The following MYO10 variants were observed in gnomAD, a reference collection of about 807,000 sequenced individuals.
MYO10 encodes myosin X.
MYO10 carries 133 observed loss-of-function variants against 257.3 expected under a neutral mutation model. The observed-to-expected ratio is 0.52, with a 90% CI of 0.45 to 0.60. The LOEUF (loss-of-function observed/expected upper bound fraction) is 0.60, where lower values mean the gene tolerates loss of function less well. Among genes scored for constraint, MYO10 ranks in the 20% least tolerant of loss-of-function variants. MYO10 has a pLI of 0.00. For missense variants in MYO10, 2,399 were observed against 2,635.7 expected (o/e 0.91, Z 1.97); for synonymous variants, 1,104 against 1,028.6 (o/e 1.07, Z -1.40).
In MYO10 at chr5:16,701,500, G is replaced by T; in HGVS notation, c.2895C>A (p.Ser965Arg). The part of the protein sequence containing the change: ...RNIERSLSVG[S>R]EFSSELAESA... ...TCTCAGCCAGCTCGCTGGAAAATTC[G>T]CTTCCCACCGACAGGGACCGCTCGA... Residue 965 changes from serine to arginine, a missense_variant, in exon 25 of 41, where the codon AGC (serine) becomes AGA (arginine). Physicochemically the swap from Ser to Arg is moderately radical, Grantham distance 110. Transcript: ENST00000513610. This position sits in a 1 kb window ranked among gnomAD's most constrained non-coding sequence, Gnocchi z 8.1. The T allele has an allele frequency of 6.2e-7, 1 of 1,613,934 alleles. No individual in the cohort carries two copies. The highest frequency in any genetic ancestry group is 8.5e-7 in the Non-Finnish European group (1 of 1,179,894).
intron 1 of MYO10, among the ~76,000 whole-genome samples, chr5:16,922,299 A>G (rs1258092042): frequency 6.6e-6 from 1 of 152,162 alleles, no homozygotes; most frequent in Non-Finnish European, 1.5e-5. Flanking sequence ...CCGAGGGGGA[A>G]AACTTCCAGA....
intron 5 of MYO10, among the ~76,000 whole-genome samples, chr5:16,782,053 G>A (rs1306649054): frequency 6.6e-6 from 1 of 152,208 alleles, no homozygotes; most frequent in Admixed American, 6.5e-5. Flanking sequence ...GCTGCCAAGG[G>A]ATGCCACACA....
chr5:16,699,598 G>A (rs371254209), intron 25 of MYO10, 25 bp from the exon 26 acceptor site: 144 of 1,612,396 alleles, frequency 8.9e-5, no homozygotes, highest in Non-Finnish European at 1.1e-4. Flanking sequence ...AGAAGCCAAC[G>A]GTGAGGGAAA....
chr5:16,668,068 T>C (rs1412233571), intron 40 of MYO10, among the ~76,000 whole-genome samples: 2 of 152,160 alleles, frequency 1.3e-5, no homozygotes, highest in Non-Finnish European at 2.9e-5. Context: ...GATTCCTCTG[T>C]TGCAAAAGTA....
chr5:16,720,762 C>G (rs1283813946), intron 19 of MYO10, among the ~76,000 whole-genome samples: 1 of 152,186 alleles, frequency 6.6e-6, no homozygotes, highest in African/African-American at 2.4e-5. Context: ...CCAGCCTCCA[C>G]ATTGTATTCT....
At chr5:16,808,082 T>A (rs866645722) in intron 3 of MYO10, among the ~76,000 whole-genome samples, 2 of 152,206 alleles carry the variant, frequency 1.3e-5, no homozygotes. Context: ...ATCCACCAAA[T>A]AAATTCATGT....
chr5:16,714,856 G>A (rs1249959393), intron 19 of MYO10, among the ~76,000 whole-genome samples: 1 of 152,116 alleles, frequency 6.6e-6, no homozygotes, highest in Non-Finnish European at 1.5e-5. Context: ...AGGGAGTGGC[G>A]ATGGTTACTG....
intron 3 of MYO10, among the ~76,000 whole-genome samples, chr5:16,816,565 G>C (rs976883627): frequency 2.1e-5 from 3 of 145,890 alleles, no homozygotes; most frequent in African/African-American, 7.6e-5. Context: ...ATGGAGTCTT[G>C]CTGTCGCCTG....
chr5:16,886,595 A>C (rs142883181), intron 1 of MYO10, among the ~76,000 whole-genome samples: 2 of 150,366 alleles, frequency 1.3e-5, no homozygotes, highest in African/African-American at 4.8e-5. Flanking sequence ...CATCATCGTC[A>C]TCATCATTTC....
intron 19 of MYO10, among the ~76,000 whole-genome samples, chr5:16,735,648 C>T (rs1016533885): frequency 2.0e-5 from 3 of 150,204 alleles, no homozygotes; most frequent in African/African-American, 7.4e-5. Context: ...AGCCGAGATC[C>T]CACCGCCACA....
chr5:16,773,751 T>C (rs1391935579), intron 9 of MYO10, among the ~76,000 whole-genome samples: 1 of 152,032 alleles, frequency 6.6e-6, no homozygotes, highest in African/African-American at 2.4e-5. Flanking sequence ...ATAAAAATTT[T>C]TGGTTAAGTT....
intron 3 of MYO10, among the ~76,000 whole-genome samples, chr5:16,810,532 C>A (rs987858732): frequency 6.6e-6 from 1 of 152,048 alleles, no homozygotes; most frequent in Admixed American, 6.6e-5. Context: ...GTGGCTCATG[C>A]CTATAAATCC....
At position 16,742,139 on chromosome 5, in the gene MYO10, T is replaced by A. The variant is rs926269873; in HGVS notation, c.1929+12689A>T. ...TGATTTTAAAAGCCAATCAATAATT[T>A]TTTTTTAAAAAAAGTCCCAGGACAA... On this transcript the variant is annotated intron_variant, in intron 19 of 40. Coordinates refer to ENST00000513610, the MANE Select transcript of MYO10 (RefSeq NM_012334.3). The A allele has an allele frequency of 1.1e-5, 11 of 984,910 alleles. No homozygotes were observed. The African/African-American group carries it at 1.8e-4, about 16-fold the overall frequency. The allele number at this position is 984,910 out of a possible 1,614,324, so 61.0% of individuals were successfully genotyped here.
At chr5:16,890,210 CT>C (rs761651492) in intron 1 of MYO10, among the ~76,000 whole-genome samples, 2 of 151,768 alleles carry the variant, frequency 1.3e-5, no homozygotes, top group Non-Finnish European at 2.9e-5. Flanking sequence ...AAAAGATAAC[CT>C]AGTCCAATCA....
chr5:16,932,839 G>A (rs111775618), intron 1 of MYO10, among the ~76,000 whole-genome samples: 7 of 152,210 alleles, frequency 4.6e-5, no homozygotes, highest in African/African-American at 1.2e-4. Context: ...GGAGCGCAGC[G>A]GTGCAATCAT....
chr5:16,933,952 G>A (rs1746364265), intron 1 of MYO10, among the ~76,000 whole-genome samples: 1 of 152,192 alleles, frequency 6.6e-6, no homozygotes, highest in Non-Finnish European at 1.5e-5. Context: ...AAAGGCTCTG[G>A]ATTCGTGAAC....
chr5:16,734,682 G>A (rs1739719466), intron 19 of MYO10, among the ~76,000 whole-genome samples: 1 of 152,036 alleles, frequency 6.6e-6, no homozygotes, highest in Admixed American at 6.6e-5. Flanking sequence ...GCGCACACCT[G>A]TAATCCCAGC....
chr5:16,918,872 G>A (rs1238909083), intron 1 of MYO10, among the ~76,000 whole-genome samples: 2 of 152,156 alleles, frequency 1.3e-5, no homozygotes, highest in African/African-American at 4.8e-5. Context: ...CGGGATGAGT[G>A]TGCAGTTGCT....
At chr5:16,866,968 G>A (rs371832523) in intron 2 of MYO10, among the ~76,000 whole-genome samples, 7 of 152,274 alleles carry the variant, frequency 4.6e-5, no homozygotes, top group Middle Eastern at 3.4e-3. Flanking sequence ...CCTGGAGAGC[G>A]GGCCAGCTGC....
Sources: allele counts gnomAD v4.1 joint callset (sites outside exome capture counted in the v4.1 genomes callset), GRCh38; gene constraint gnomAD v4.1.1; non-coding constraint Gnocchi (gnomAD v3.1); transcripts MANE v1.5; gene names NCBI Gene and HGNC (gene_info 2026-07-23, HGNC 2026-07-21).